Variants in PRKG1 observed in about 807,000 individuals in gnomAD.
The protein encoded by PRKG1 is protein kinase cGMP-dependent 1.
A neutral mutation model predicts 88.1 loss-of-function variants in PRKG1; 35 were observed. That is an observed-to-expected ratio of 0.40 (90% confidence interval 0.30 to 0.53). PRKG1 has a LOEUF of 0.53. Ranked by LOEUF, PRKG1 falls within the 20% of genes least tolerant of loss-of-function variation. PRKG1 has a pLI of 0.59. For synonymous variants in PRKG1, 303 were observed against 292.5 expected (o/e 1.04, Z -0.37); for missense variants, 540 against 839.8 (o/e 0.64, Z 4.41).
intron 3 of PRKG1, among the ~76,000 whole-genome samples, chr10:51,752,661 G>C (rs76472851): frequency 5.3e-5 from 8 of 152,132 alleles, no homozygotes; most frequent in Non-Finnish European, 1.0e-4. Flanking sequence ...TGTTTTTGTC[G>C]TTACCGTTTG....
intron 4 of PRKG1, among the ~76,000 whole-genome samples, chr10:51,830,744 T>C (rs1758608267): frequency 6.6e-6 from 1 of 151,882 alleles, no homozygotes; most frequent in East Asian, 1.9e-4. Flanking sequence ...GTATTTTTAG[T>C]AGAGACAGGG....
At chr10:51,046,540 G>T (rs1032624370) in intron 1 of PRKG1, among the ~76,000 whole-genome samples, 2 of 152,186 alleles carry the variant, frequency 1.3e-5, no homozygotes, top group Non-Finnish European at 2.9e-5. Context: ...AGAAAACAAC[G>T]ATTTTTCCTT....
chr10:51,917,664 T>A (rs763709308), intron 5 of PRKG1, among the ~76,000 whole-genome samples: 3 of 152,174 alleles, frequency 2.0e-5, no homozygotes, highest in Non-Finnish European at 4.4e-5. Flanking sequence ...AAAGTAGGCA[T>A]GTAAAAGAGA....
chr10:52,226,622 A>G (rs2132343724), intron 9 of PRKG1, among the ~76,000 whole-genome samples: 1 of 152,286 alleles, frequency 6.6e-6, no homozygotes, highest in African/African-American at 2.4e-5. Flanking sequence ...ACCTGCCCCA[A>G]GCATCCTCAG....
intron 2 of PRKG1, among the ~76,000 whole-genome samples, chr10:51,443,409 T>C (rs544276747): frequency 1.4e-3 from 216 of 152,144 alleles, no homozygotes; most frequent in Admixed American, 3.1e-3. Context: ...AAAAAAGTTT[T>C]AAAGACTGTT....
At chr10:51,499,151 T>C (rs574456848) in intron 3 of PRKG1, among the ~76,000 whole-genome samples, 1 of 152,338 alleles carries the variant, frequency 6.6e-6, no homozygotes, top group East Asian at 1.9e-4. Flanking sequence ...AAGAACACTC[T>C]ATGAGATTCC....
chr10:51,773,130 T>C (rs1838347857), intron 3 of PRKG1, among the ~76,000 whole-genome samples: 1 of 152,112 alleles, frequency 6.6e-6, no homozygotes, highest in Non-Finnish European at 1.5e-5. Context: ...AATAAACTAT[T>C]GCTCAGTTTT....
chr10:52,284,147 C>G (rs1842061099), intron 14 of PRKG1, among the ~76,000 whole-genome samples: 1 of 151,740 alleles, frequency 6.6e-6, no homozygotes, highest in Admixed American at 6.6e-5. Context: ...TATAATAAAA[C>G]TTGGAATTAA....
chr10:51,371,150 T>C (rs1417299622), intron 2 of PRKG1, among the ~76,000 whole-genome samples: 1 of 152,132 alleles, frequency 6.6e-6, no homozygotes, highest in Non-Finnish European at 1.5e-5. Flanking sequence ...ATAAGGTCCG[T>C]GATTGGGATT....
intron 5 of PRKG1, among the ~76,000 whole-genome samples, chr10:51,996,723 G>C (rs1328599134): frequency 6.6e-6 from 1 of 152,028 alleles, no homozygotes; most frequent in Non-Finnish European, 1.5e-5. Flanking sequence ...AAAAAAGTAT[G>C]GAAGTTCCTC....
intron 5 of PRKG1, among the ~76,000 whole-genome samples, chr10:52,016,068 C>G (rs542520629): frequency 6.6e-6 from 1 of 152,192 alleles, no homozygotes; most frequent in African/African-American, 2.4e-5. Flanking sequence ...CCAGCCTCTG[C>G]GGATTACTTA....
chr10:51,794,155 C>T (rs2132589729), intron 3 of PRKG1, among the ~76,000 whole-genome samples: 1 of 152,146 alleles, frequency 6.6e-6, no homozygotes, highest in East Asian at 1.9e-4. Context: ...GAGGATATAA[C>T]AATTGTAAAT....
intron 6 of PRKG1, among the ~76,000 whole-genome samples, chr10:52,058,680 T>C (rs758709808): frequency 2.6e-5 from 4 of 151,992 alleles, no homozygotes; most frequent in Non-Finnish European, 4.4e-5. Flanking sequence ...AAATTGGTAA[T>C]AGATTTAAAA....
intron 3 of PRKG1, among the ~76,000 whole-genome samples, chr10:51,473,758 T>TC (rs1490885991): frequency 1.3e-5 from 2 of 151,566 alleles, no homozygotes; most frequent in African/African-American, 4.8e-5. Context: ...AACACTGATT[T>TC]TTTTTTTTTT....
intron 5 of PRKG1, among the ~76,000 whole-genome samples, chr10:51,935,438 G>T (rs968876076): frequency 6.6e-6 from 1 of 152,024 alleles, no homozygotes; most frequent in Non-Finnish European, 1.5e-5. Flanking sequence ...AACAGTTACC[G>T]AACTCCTACA....
intron 2 of PRKG1, among the ~76,000 whole-genome samples, chr10:51,233,085 G>A (rs990767371): frequency 6.6e-5 from 10 of 152,148 alleles, no homozygotes; most frequent in African/African-American, 1.2e-4. Context: ...ATACATATGC[G>A]CAAGAATGTG....
intron 3 of PRKG1, among the ~76,000 whole-genome samples, chr10:51,726,676 CCCATGTAA>C (rs1842138901): frequency 6.6e-6 from 1 of 152,156 alleles, no homozygotes; most frequent in Non-Finnish European, 1.5e-5. Context: ...AGTTGTTGTA[CCCATGTAA>C]CCATGGTTAA....
At chr10:51,516,808 A>G (rs773949151) in intron 3 of PRKG1, among the ~76,000 whole-genome samples, 2 of 152,198 alleles carry the variant, frequency 1.3e-5, no homozygotes, top group Non-Finnish European at 2.9e-5. Context: ...CAAGCACTGG[A>G]AATATAGGAT....
At chr10:51,005,400 G>A (rs993882407) in intron 1 of PRKG1, among the ~76,000 whole-genome samples, 13 of 152,104 alleles carry the variant, frequency 8.5e-5, no homozygotes, top group African/African-American at 1.9e-4. Flanking sequence ...ATCTTTGTTC[G>A]TCTCCTTTGA....
Sources: allele counts gnomAD v4.1 joint callset (sites outside exome capture counted in the v4.1 genomes callset), GRCh38; gene constraint gnomAD v4.1.1; transcripts MANE v1.5; gene names NCBI Gene and HGNC (gene_info 2026-07-23, HGNC 2026-07-21).